The following CD82 variants were observed in gnomAD, a reference collection of about 807,000 sequenced individuals.
CD82 encodes CD82 antigen.
Under a neutral mutation model 37.4 loss-of-function variants are expected in CD82, and 36 were observed. The observed-to-expected ratio is 0.96, with a 90% CI of 0.74 to 1.27. The LOEUF (loss-of-function observed/expected upper bound fraction) is 1.27, where lower values mean the gene tolerates loss of function less well. Among genes scored for constraint, CD82 ranks in the 50% most tolerant of loss-of-function variants. CD82 has a pLI of 0.00. For synonymous variants in CD82, 158 were observed against 137.4 expected (o/e 1.15, Z -1.05); for missense variants, 340 against 347.0 (o/e 0.98, Z 0.16).
intron 4 of CD82, among the ~76,000 whole-genome samples, chr11:44,600,796 G>A (rs1422597134): frequency 7.2e-5 from 11 of 152,326 alleles, no homozygotes; most frequent in African/African-American, 2.6e-4. Flanking sequence ...AGCCCTGTGA[G>A]GTAGATACTG....
At chr11:44,599,297 C>T (rs1457864131) in intron 3 of CD82, among the ~76,000 whole-genome samples, 2 of 152,204 alleles carry the variant, frequency 1.3e-5, no homozygotes, top group Non-Finnish European at 2.9e-5. Context: ...GCATGCACCA[C>T]CACATTGGCT....
At chr11:44,607,791 C>T (rs1853419793) in intron 6 of CD82, among the ~76,000 whole-genome samples, 1 of 152,210 alleles carries the variant, frequency 6.6e-6, no homozygotes, top group Non-Finnish European at 1.5e-5. Context: ...GTCCAAGGCC[C>T]ATGCCTCCCT....
chr11:44,590,196 C>T (rs1265170815), intron 2 of CD82, among the ~76,000 whole-genome samples: 1 of 137,800 alleles, frequency 7.3e-6, no homozygotes, highest in African/African-American at 2.8e-5. Flanking sequence ...CAGGGGCCAG[C>T]AGGCTTTTTC....
intron 3 of CD82, among the ~76,000 whole-genome samples, chr11:44,596,252 G>T (rs747161391): frequency 1.3e-5 from 2 of 152,264 alleles, no homozygotes; most frequent in African/African-American, 2.4e-5. Context: ...GCCTGTGCAG[G>T]CAAAGCCAAG....
chr11:44,575,111 G>C (rs539189416), intron 1 of CD82, among the ~76,000 whole-genome samples: 3 of 152,312 alleles, frequency 2.0e-5, no homozygotes. Context: ...CCCTACTGGT[G>C]GGGGAGCGTT....
intron 1 of CD82, among the ~76,000 whole-genome samples, chr11:44,571,975 G>A (rs961972935): frequency 1.8e-4 from 27 of 152,348 alleles, no homozygotes; most frequent in African/African-American, 6.5e-4. Context: ...TTTACTTGCT[G>A]TGTTATCTTG....
Position 44,619,626 on chromosome 11 carries a change from G to A in CD82, c.*500G>A, listed in dbSNP as rs143013555. On this transcript the variant is annotated 3_prime_UTR_variant, in exon 10 of 10. Transcript: ENST00000227155. Reference sequence around the variant, plus strand: ...AAATACAAAAAAAATTTAGCCGGGCGCGGTGGCGGGCACCTGTAGTCCCAG... The same window carrying A: ...AAATACAAAAAAAATTTAGCCGGGCACGGTGGCGGGCACCTGTAGTCCCAG... 9.5e-3 allele frequency: 1,452 copies of A among 153,444 alleles called. 9 individuals are homozygous for A. The highest frequency in any genetic ancestry group is 0.015 in the Non-Finnish European group (1,038 of 68,852). 9.5% of individuals were successfully genotyped at this position (153,444 alleles called of 1,614,324 possible). A position where few individuals can be genotyped will look rare whatever the true frequency, so the allele number is the denominator to read the frequency against.
chr11:44,572,862 C>A (rs1307455844), intron 1 of CD82, among the ~76,000 whole-genome samples: 1 of 152,146 alleles, frequency 6.6e-6, no homozygotes, highest in Admixed American at 6.5e-5. Context: ...GGCTTTACAT[C>A]TGGGGTCCAG....
intron 1 of CD82, among the ~76,000 whole-genome samples, chr11:44,582,420 A>G (rs1158422347): frequency 1.3e-5 from 2 of 152,202 alleles, no homozygotes; most frequent in African/African-American, 4.8e-5. Context: ...CTATTCCCAG[A>G]ATCCTCTGCC....
At chr11:44,601,474 C>T (rs1258981438) in intron 4 of CD82, among the ~76,000 whole-genome samples, 3 of 152,170 alleles carry the variant, frequency 2.0e-5, no homozygotes, top group African/African-American at 2.4e-5. Context: ...CCCTCCTTGG[C>T]CCCATTAGGC....
intron 1 of CD82, among the ~76,000 whole-genome samples, chr11:44,584,214 G>A (rs1276153280): frequency 6.6e-6 from 1 of 152,176 alleles, no homozygotes; most frequent in Non-Finnish European, 1.5e-5. Context: ...GGGCTCAGAG[G>A]GGTTTAGTTA....
chr11:44,581,843 G>C (rs1384385080), intron 1 of CD82, among the ~76,000 whole-genome samples: 1 of 152,204 alleles, frequency 6.6e-6, no homozygotes, highest in Non-Finnish European at 1.5e-5. Flanking sequence ...ATGTGCTGCT[G>C]TTCCATCTCG....
chr11:44,568,659 G>A (rs941433417), intron 1 of CD82, among the ~76,000 whole-genome samples: 2 of 152,182 alleles, frequency 1.3e-5, no homozygotes, highest in African/African-American at 4.8e-5. Context: ...CCACAGTAGG[G>A]GGACTGGGGC....
chr11:44,618,191 C>G lies in CD82; in HGVS notation c.468C>G (p.Tyr156Ter). Residue 156 changes from tyrosine to a stop codon, truncating the protein, a stop_gained, in exon 8 of 10, where the codon TAC becomes TAG. Transcript: ENST00000227155. LOFTEE classifies it high-confidence loss of function. ...AGTGCTGCGGCTGGGTCAGCTTCTA[C>G]AACTGGACAGACAACGCTGAGCTCA... ...QVKCCGWVSFYNWTDNAELMN... is the reference protein window; with the variant it reads ...QVKCCGWVSF 6.2e-7 allele frequency: 1 copy of G among 1,614,106 alleles called. No homozygotes were observed. Among genetic ancestry groups the G allele is most frequent in the Non-Finnish European group, 8.5e-7 (1 of 1,180,032 alleles).
In CD82 at chr11:44,618,303, G is replaced by A. The variant is rs200920132; in HGVS notation, c.580G>A (p.Glu194Lys). The stretch of plus-strand genomic sequence containing the variant: ...CCTTTCTGTGAGGAAGGGCTTCTGC[G>A]AGGCCCCCGGCAACAGGACCCAGAG... ...NSLSVRKGFC[E>K]APGNRTQSGN... The change falls in exon 8 of 10, where the codon GAG becomes AAG. Residue 194 changes from glutamate (E) to lysine (K), a missense_variant. Physicochemically the swap from Glu to Lys is moderately conservative, Grantham distance 56. Transcript: ENST00000227155. 1.8e-4 allele frequency: 286 copies of A among 1,613,896 alleles called. No individual in the cohort carries two copies. The highest frequency in any genetic ancestry group is 2.2e-4 in the Non-Finnish European group (260 of 1,180,024).
chr11:44,603,644 T>C (rs1853345211), intron 4 of CD82, among the ~76,000 whole-genome samples: 2 of 152,182 alleles, frequency 1.3e-5, no homozygotes, highest in Non-Finnish European at 2.9e-5. Context: ...ACCCTCGCCC[T>C]CCAGGTGCGT....
At chr11:44,609,431 G>A (rs1853448710) in intron 6 of CD82, among the ~76,000 whole-genome samples, 1 of 152,080 alleles carries the variant, frequency 6.6e-6, no homozygotes, top group Admixed American at 6.5e-5. Context: ...TCTGAGTGCT[G>A]TCACGCTCAA....
At chr11:44,567,798 C>A (rs1852758387) in intron 1 of CD82, among the ~76,000 whole-genome samples, 1 of 152,142 alleles carries the variant, frequency 6.6e-6, no homozygotes, top group African/African-American at 2.4e-5. Context: ...ATACCAGGGA[C>A]TCTGATGGAA....
intron 1 of CD82, among the ~76,000 whole-genome samples, chr11:44,576,130 T>C (rs1323675410): frequency 6.6e-6 from 1 of 152,226 alleles, no homozygotes. Context: ...AGGTCTAGTG[T>C]TCTCCAGCAG....
Sources: gnomAD v4.1 joint callset for allele counts (sites outside exome capture counted in the v4.1 genomes callset) on GRCh38, gnomAD v4.1.1 for gene constraint, MANE v1.5 for transcripts, NCBI Gene and HGNC (gene_info 2026-07-23, HGNC 2026-07-21) for gene names.